Variants in RAB6A observed in about 807,000 individuals in gnomAD.
The protein encoded by RAB6A is RAB6A, member RAS oncogene family.
Under a neutral mutation model 32.3 loss-of-function variants are expected in RAB6A, and 8 were observed. The observed-to-expected ratio is 0.25, with a 90% CI of 0.15 to 0.45. RAB6A has a LOEUF of 0.45. RAB6A is among the 20% of genes least tolerant of loss of function. The probability of loss-of-function intolerance (pLI) is 1.00; values close to 1 mark genes in which losing one functional copy is unlikely to be tolerated. For synonymous variants in RAB6A, 73 were observed against 82.1 expected, an observed-to-expected ratio of 0.89 and a Z score of 0.60; for missense variants, 104 against 249.4, an observed-to-expected ratio of 0.42 and a Z score of 3.93.
intron 1 of RAB6A, among the ~76,000 whole-genome samples, chr11:73,738,949 A>T (rs35749087): frequency 0.038 from 5,796 of 151,600 alleles, 154 homozygotes; most frequent in Middle Eastern, 0.072. Flanking sequence ...TGTCTCAAAA[A>T]ACAAAACTAA....
rs929683789 is a variant in RAB6A, at chr11:73,676,216, T to G, written c.*1682A>C. 1 of 167,112 alleles carries G rather than the reference T, an allele frequency of 6.0e-6. No homozygotes were observed. The highest frequency in any genetic ancestry group is 2.4e-5 in the African/African-American group (1 of 41,454). 10.4% of individuals were successfully genotyped at this position (167,112 alleles called of 1,614,324 possible). A position where few individuals can be genotyped will look rare whatever the true frequency, so the allele number is the denominator to read the frequency against. ...TGAGGAAGTATGAAGATATTTTTGT[T>G]GTCTTTTCATCTTTATACTGTGTTA... On this transcript the variant is annotated 3_prime_UTR_variant, in exon 8 of 8. Coordinates refer to ENST00000336083, the MANE Select transcript of RAB6A (RefSeq NM_198896.2).
chr11:73,685,504 G>T (rs879744709), intron 6 of RAB6A, among the ~76,000 whole-genome samples: 84 of 146,502 alleles, frequency 5.7e-4, no homozygotes, highest in Non-Finnish European at 1.0e-3. Context: ...AGCCAGGATG[G>T]TCTCGATCTC....
At chr11:73,703,840 T>C (rs1945788218) in intron 6 of RAB6A, among the ~76,000 whole-genome samples, 1 of 151,898 alleles carries the variant, frequency 6.6e-6, no homozygotes, top group South Asian at 2.1e-4. Flanking sequence ...GAGGCCGAGA[T>C]GGATGGATCT....
At chr11:73,718,785 T>G in intron 3 of RAB6A, 67 bp from the exon 4 acceptor site, 1 of 1,614,084 alleles carries the variant, frequency 6.2e-7, no homozygotes, top group Non-Finnish European at 8.5e-7. Flanking sequence ...ATATACCTAC[T>G]TGTGATATCG....
In RAB6A at chr11:73,693,283, G is replaced by A. The variant is rs148269894; in HGVS notation, c.496-13563C>T. Among the ~76,000 whole-genome samples, 1,015 of 148,644 alleles carry A rather than the reference G, an allele frequency of 6.8e-3. 14 individuals are homozygous for A. The highest frequency in any genetic ancestry group is 0.024 in the African/African-American group (959 of 39,710). ...GGCCTGGATGACAGAGCAAGACTCC[G>A]TCTCCAAAAAATAAATAAATAAATA... On this transcript the variant is annotated intron_variant, in intron 6 of 7. Coordinates refer to ENST00000336083, the MANE Select transcript of RAB6A (RefSeq NM_198896.2).
intron 2 of RAB6A, 72 bp downstream of exon 2, chr11:73,730,692 AT>A (rs1946289298): frequency 1.6e-6 from 2 of 1,275,514 alleles, no homozygotes; most frequent in Non-Finnish European, 2.2e-6. Flanking sequence ...CAAGTAAATA[AT>A]TTTTTAAAAA....
chr11:73,709,148 T>C (rs1427156771), intron 5 of RAB6A, among the ~76,000 whole-genome samples: 1 of 152,208 alleles, frequency 6.6e-6, no homozygotes, highest in Non-Finnish European at 1.5e-5. Flanking sequence ...ATAACCACAG[T>C]ACAATTATTA....
intron 5 of RAB6A, 27 bp from the exon 6 acceptor site, chr11:73,707,540 C>T: frequency 6.7e-7 from 1 of 1,496,188 alleles, no homozygotes; most frequent in Non-Finnish European, 9.3e-7. Context: ...AAACTTCTTA[C>T]TTTTGAGACA....
intron 1 of RAB6A, among the ~76,000 whole-genome samples, chr11:73,735,726 G>C (rs1046640302): frequency 1.3e-5 from 2 of 151,680 alleles, no homozygotes; most frequent in African/African-American, 4.8e-5. Flanking sequence ...ACTTATATAC[G>C]AGATTACCTA....
chr11:73,714,317 A>C (rs969917697), intron 5 of RAB6A, among the ~76,000 whole-genome samples: 2 of 151,554 alleles, frequency 1.3e-5, no homozygotes, highest in African/African-American at 2.4e-5. Context: ...CATCCTCCTC[A>C]GATAACTCTG....
chr11:73,728,154 T>C lies in RAB6A; in HGVS notation c.129+2611A>G, dbSNP rs114607569. ...TCAAAGTACTTGCTCTTAAGATTAC[T>C]AATTTATTCCTTTTAGTTTGTTCTT... On this transcript the variant is annotated intron_variant, in intron 2 of 7. Transcript: ENST00000336083. 5.5e-3 allele frequency among the ~76,000 whole-genome samples: 838 copies of C among 152,338 alleles called. 6 individuals carry two copies. The highest frequency in any genetic ancestry group is 0.017 in the African/African-American group (712 of 41,580).
chr11:73,731,962 A>T (rs1008102685), intron 1 of RAB6A, among the ~76,000 whole-genome samples: 1 of 150,584 alleles, frequency 6.6e-6, no homozygotes, highest in Non-Finnish European at 1.5e-5. Flanking sequence ...GATGGTCTTG[A>T]TCTCTTGACC....
intron 6 of RAB6A, among the ~76,000 whole-genome samples, chr11:73,685,284 G>GCCTT (rs1945425855): frequency 8.1e-6 from 1 of 123,314 alleles, no homozygotes; most frequent in Non-Finnish European, 1.7e-5. Context: ...TATATAGAAA[G>GCCTT]TCTTTTTTTT....
rs892564819 is a variant in RAB6A at position 73,676,357 on chromosome 11, A to G, written c.*1541T>C. On this transcript the variant is annotated 3_prime_UTR_variant, in exon 8 of 8. Transcript: ENST00000336083. The stretch of plus-strand genomic sequence containing the variant: ...TATTAGCTTACACAGCAATCTCACA[A>G]TAACTAGTAAAGATTAAAAGGGCAC... 8 of 167,122 alleles carry G rather than the reference A, an allele frequency of 4.8e-5. No individual in the cohort carries two copies. The highest frequency in any genetic ancestry group is 1.0e-4 in the Non-Finnish European group (7 of 68,122). The allele number at this position is 167,122 out of a possible 1,614,324, so 10.4% of individuals were successfully genotyped here. A position where few individuals can be genotyped will look rare whatever the true frequency, so the allele number is the denominator to read the frequency against.
chr11:73,685,592 G>GTCTTTTTTTTT (rs1555054185), intron 6 of RAB6A, among the ~76,000 whole-genome samples: 1 of 145,052 alleles, frequency 6.9e-6, no homozygotes, highest in Non-Finnish European at 1.5e-5. Flanking sequence ...CGGACTGAAA[G>GTCTTTTTTTTT]TAGCGACCAG....
At chr11:73,706,285 G>A (rs575598584) in intron 6 of RAB6A, among the ~76,000 whole-genome samples, 8 of 152,032 alleles carry the variant, frequency 5.3e-5, no homozygotes, top group Admixed American at 1.3e-4. Context: ...GGAGGCTGAG[G>A]CAGGCAGATC....
chr11:73,698,764 T>C (rs1344667813), intron 6 of RAB6A, among the ~76,000 whole-genome samples: 2 of 145,108 alleles, frequency 1.4e-5, no homozygotes, highest in African/African-American at 2.9e-5. Flanking sequence ...ATCATACATA[T>C]GTTAATTTTT....
chr11:73,707,602 G>C lies in RAB6A; in HGVS notation c.402-89C>G, dbSNP rs986940709. 3 of 947,884 alleles carry C rather than the reference G, an allele frequency of 3.2e-6. No homozygotes were observed. In the African/African-American group the frequency reaches 4.9e-5, roughly 16 times the overall value. 58.7% of individuals were successfully genotyped at this position (947,884 alleles called of 1,614,324 possible). A position where few individuals can be genotyped will look rare whatever the true frequency, so the allele number is the denominator to read the frequency against. On this transcript the variant is annotated intron_variant, in intron 5 of 7. Transcript: ENST00000336083. ...GAAAGCTCTGAAAATAACTTTCCTTGATATAAGGACTGGTTATACAGGTCA... is the reference window on the plus strand; with the variant it reads ...GAAAGCTCTGAAAATAACTTTCCTTCATATAAGGACTGGTTATACAGGTCA...
rs562832990 is a variant in RAB6A at position 73,747,275 on chromosome 11, G to A, written c.70+13291C>T. ...GGCTGGAGTGCAGTGGTGCGATCTCGGCTCACTGCAATCTCCACCTCCCAG... is the reference window on the plus strand; with the variant it reads ...GGCTGGAGTGCAGTGGTGCGATCTCAGCTCACTGCAATCTCCACCTCCCAG... On this transcript the variant is annotated intron_variant, in intron 1 of 7. Coordinates refer to ENST00000336083, the MANE Select transcript of RAB6A (RefSeq NM_198896.2). 7.3e-5 allele frequency among the ~76,000 whole-genome samples: 11 copies of A among 150,770 alleles called. 1 individual carries two copies. The highest frequency in any genetic ancestry group is 7.3e-4 in the Admixed American group (11 of 15,078).
Sources: allele counts gnomAD v4.1 joint callset (sites outside exome capture counted in the v4.1 genomes callset), GRCh38; gene constraint gnomAD v4.1.1; transcripts MANE v1.5; gene names NCBI Gene and HGNC (gene_info 2026-07-23, HGNC 2026-07-21).